CIROZ: variants seen among roughly 807,000 people sequenced by gnomAD.
CIROZ encodes ciliated left-right organizer ZP-N domains-containing protein.
At chr1:10,948,880 T>G in the CIROZ span, 5 of 1,465,246 alleles carry the variant, frequency 3.4e-6, no homozygotes, top group Non-Finnish European at 4.5e-6. Context: ...GAAAAAGCAT[T>G]AGAAACAAGA....
At chr1:10,966,541 G>C in the CIROZ span, 1 of 1,462,892 alleles carries the variant, frequency 6.8e-7, no homozygotes, top group Non-Finnish European at 9.0e-7. Context: ...TTCTCTGGCA[G>C]GGTCAGAAAT....
chr1:10,958,837 G>T, the CIROZ span: 1 of 1,415,784 alleles, frequency 7.1e-7, no homozygotes, highest in South Asian at 1.2e-5. Flanking sequence ...ATCAGCACCG[G>T]CAATTACCCC....
At chr1:10,970,030 T>C in the CIROZ span, 2 of 1,536,212 alleles carry the variant, frequency 1.3e-6, no homozygotes, top group Non-Finnish European at 1.7e-6. Flanking sequence ...CTCCTTGGGA[T>C]CCACAGGGTC....
chr1:10,947,421 G>A, the CIROZ span, among the ~76,000 whole-genome samples: 1 of 152,238 alleles, frequency 6.6e-6, no homozygotes, highest in South Asian at 2.1e-4. Context: ...GGCAGCAGCT[G>A]GTACCCTGCT....
chr1:10,963,604 T>C, the CIROZ span, among the ~76,000 whole-genome samples: 1 of 151,980 alleles, frequency 6.6e-6, no homozygotes, highest in African/African-American at 2.4e-5. Context: ...GAAACTTGAA[T>C]TCAAGGAGCA....
the CIROZ span, among the ~76,000 whole-genome samples, chr1:10,963,421 C>A: frequency 6.6e-6 from 1 of 151,902 alleles, no homozygotes; most frequent in Non-Finnish European, 1.5e-5. Context: ...ACAAAAAAAC[C>A]CAGCTGACTA....
the CIROZ span, among the ~76,000 whole-genome samples, chr1:10,966,957 C>T: frequency 5.3e-5 from 8 of 151,792 alleles, no homozygotes; most frequent in East Asian, 1.9e-4. Flanking sequence ...AAGACCAACC[C>T]GGCCAACACT....
chr1:10,961,081 G>A, the CIROZ span, among the ~76,000 whole-genome samples: 48 of 152,350 alleles, frequency 3.2e-4, 1 homozygote, highest in South Asian at 2.3e-3. Flanking sequence ...GGCTTCAAGG[G>A]CAGGACGATG....
At chr1:10,977,112 T>C in the CIROZ span, among the ~76,000 whole-genome samples, 5 of 151,914 alleles carry the variant, frequency 3.3e-5, no homozygotes, top group Non-Finnish European at 5.9e-5. Context: ...TGAGCAGTGA[T>C]TGCACCACTG....
the CIROZ span, among the ~76,000 whole-genome samples, chr1:10,962,315 T>G: frequency 6.6e-6 from 1 of 151,904 alleles, no homozygotes; most frequent in African/African-American, 2.4e-5. Context: ...AGTATGGTAA[T>G]GCATGCCTGT....
the CIROZ span, among the ~76,000 whole-genome samples, chr1:10,972,463 ACACT>A: frequency 1.6e-4 from 24 of 149,880 alleles, no homozygotes; most frequent in African/African-American, 6.0e-4. Context: ...ACACACACAC[ACACT>A]CTAGAATTAT....
chr1:10,958,811 A>T, the CIROZ span: 9 of 1,585,106 alleles, frequency 5.7e-6, no homozygotes, highest in Non-Finnish European at 7.8e-6. Context: ...GTGAGCAAAC[A>T]TCCCTGCCTG....
the CIROZ span, chr1:10,949,223 CAAAA>C: frequency 8.2e-4 from 120 of 146,878 alleles, no homozygotes; most frequent in Middle Eastern, 5.3e-3. Context: ...GACCCCATCT[CAAAA>C]AAAAAAAAAA....
chr1:10,948,557 T>C, the CIROZ span: 19 of 1,614,036 alleles, frequency 1.2e-5, no homozygotes, highest in South Asian at 1.9e-4. Context: ...ATTCAGGTCG[T>C]TCAGGCCTCG....
chr1:10,967,036 C>T, the CIROZ span, among the ~76,000 whole-genome samples: 10 of 151,684 alleles, frequency 6.6e-5, no homozygotes, highest in Non-Finnish European at 1.2e-4. Context: ...GTAATTCGAG[C>T]TACTTGGGAG....
At chr1:10,947,834 TG>T in the CIROZ span, 1 of 1,602,310 alleles carries the variant, frequency 6.2e-7, no homozygotes, top group Non-Finnish European at 8.5e-7. Context: ...GCAACACTCC[TG>T]TGGGAGCCCA....
chr1:10,963,479 A>C, the CIROZ span, among the ~76,000 whole-genome samples: 1 of 152,198 alleles, frequency 6.6e-6, no homozygotes, highest in African/African-American at 2.4e-5. Context: ...TCAGTCCAGC[A>C]CGCTCATTTC....
At chr1:10,977,067 G>A in the CIROZ span, among the ~76,000 whole-genome samples, 2 of 152,136 alleles carry the variant, frequency 1.3e-5, no homozygotes, top group Non-Finnish European at 2.9e-5. Flanking sequence ...GCTGAGGTGG[G>A]AGGATCACCT....
At chr1:10,947,941 G>C in the CIROZ span, 1 of 1,613,726 alleles carries the variant, frequency 6.2e-7, no homozygotes, top group South Asian at 1.1e-5. Flanking sequence ...TCCAGGTATC[G>C]GGCCTGGTCT....
Sources: allele counts gnomAD v4.1 joint callset (sites outside exome capture counted in the v4.1 genomes callset), GRCh38; gene constraint gnomAD v4.1.1; transcripts MANE v1.5; gene names NCBI Gene and HGNC (gene_info 2026-07-23, HGNC 2026-07-21).